Variants in TTBK2 observed in about 807,000 individuals in gnomAD.
TTBK2 encodes tau tubulin kinase 2, also known as tau-tubulin kinase 2.
A neutral mutation model predicts 110.8 loss-of-function variants in TTBK2; 28 were observed. The observed-to-expected ratio is 0.25, with a 90% CI of 0.19 to 0.35. TTBK2 has a LOEUF of 0.35. TTBK2 is among the 10% of genes least tolerant of loss of function. The pLI is 1.00. For synonymous variants in TTBK2, 532 were observed against 527.3 expected, an observed-to-expected ratio of 1.01 and a Z score of -0.12; for missense variants, 1,369 against 1,500.3, an observed-to-expected ratio of 0.91 and a Z score of 1.45.
chr15:42,760,634 A>T (rs1489482561), intron 13 of TTBK2, among the ~76,000 whole-genome samples: 2 of 152,196 alleles, frequency 1.3e-5, no homozygotes, highest in Non-Finnish European at 2.9e-5. Context: ...GAAGTGAAAG[A>T]TCTCTACAAG....
chr15:42,842,968 T>A (rs539256867), intron 3 of TTBK2, among the ~76,000 whole-genome samples: 2 of 152,296 alleles, frequency 1.3e-5, no homozygotes, highest in East Asian at 3.9e-4. Context: ...TGATGGTCAT[T>A]AGCAACTTAC....
chr15:42,769,785 T>C (rs372390121), intron 13 of TTBK2, among the ~76,000 whole-genome samples: 1 of 152,198 alleles, frequency 6.6e-6, no homozygotes, highest in Non-Finnish European at 1.5e-5. Flanking sequence ...TTATAAATCA[T>C]GCTACTATAA....
chr15:42,867,135 T>G (rs539366155), intron 3 of TTBK2, among the ~76,000 whole-genome samples: 1 of 150,658 alleles, frequency 6.6e-6, no homozygotes, highest in African/African-American at 2.4e-5. Context: ...TCCCAGCTAC[T>G]AGGGAGGCTG....
intron 11 of TTBK2, among the ~76,000 whole-genome samples, chr15:42,782,935 A>G (rs1890240792): frequency 6.6e-6 from 1 of 152,162 alleles, no homozygotes; most frequent in Non-Finnish European, 1.5e-5. Flanking sequence ...AGACAGCCAC[A>G]GCTGATACTA....
intron 10 of TTBK2, among the ~76,000 whole-genome samples, chr15:42,790,059 G>T (rs1317775468): frequency 6.6e-6 from 1 of 152,000 alleles, no homozygotes; most frequent in Non-Finnish European, 1.5e-5. Flanking sequence ...TCAATAAATG[G>T]TGCCGGAAAA....
intron 3 of TTBK2, among the ~76,000 whole-genome samples, chr15:42,865,824 A>AAAAAG (rs1311318123): frequency 6.6e-6 from 1 of 152,212 alleles, no homozygotes; most frequent in African/African-American, 2.4e-5. Context: ...CTCCATTTCA[A>AAAAAG]AAAAGAAAAG....
At chr15:42,810,885 C>T in intron 8 of TTBK2, 146 bp from the exon 9 acceptor site, 2 of 899,706 alleles carry the variant, frequency 2.2e-6, no homozygotes, top group Non-Finnish European at 3.5e-6. Flanking sequence ...CTCTTACTAA[C>T]AGCTTAATGT....
chr15:42,798,191 C>CT (rs1340462465), intron 9 of TTBK2: 1 of 455,820 alleles, frequency 2.2e-6, no homozygotes, highest in Non-Finnish European at 4.4e-6. Context: ...GCCTCTCATT[C>CT]TTTTTTATAT....
chr15:42,913,695 C>T (rs1009650257), intron 1 of TTBK2, among the ~76,000 whole-genome samples: 7 of 151,790 alleles, frequency 4.6e-5, no homozygotes, highest in Non-Finnish European at 1.0e-4. Context: ...TTACTGACAA[C>T]AAAAGTGTAA....
chr15:42,835,050 T>C (rs1460246804), intron 4 of TTBK2, among the ~76,000 whole-genome samples: 1 of 152,136 alleles, frequency 6.6e-6, no homozygotes, highest in Non-Finnish European at 1.5e-5. Flanking sequence ...CTATATAAAA[T>C]ATACTTGAGG....
rs1555427656 is a variant in TTBK2, at chr15:42,816,081, AATAAAT to A, written c.603+945_603+950del. ...AAATATATATATATAAAAATAAATAAATAAATATATATATATATATATATATATATA... is the reference window on the plus strand; with the variant it reads ...AAATATATATATATAAAAATAAATAAATATATATATATATATATATATATA... On this transcript the variant is annotated intron_variant, in intron 7 of 14. Coordinates refer to ENST00000267890, the MANE Select transcript of TTBK2 (RefSeq NM_173500.4). Among the ~76,000 whole-genome samples the A allele has an allele frequency of 4.5e-3, 270 of 60,264 alleles. 6 individuals carry two copies. The highest frequency in any genetic ancestry group is 0.022 in the African/African-American group (224 of 10,032). 39.5% of individuals were successfully genotyped at this position (60,264 alleles called of 152,430 possible). A position where few individuals can be genotyped will look rare whatever the true frequency, so the allele number is the denominator to read the frequency against.
intron 9 of TTBK2, among the ~76,000 whole-genome samples, chr15:42,797,031 T>A (rs545598868): frequency 6.6e-6 from 1 of 152,190 alleles, no homozygotes; most frequent in African/African-American, 2.4e-5. Flanking sequence ...TAGAGGGCCG[T>A]AGAAAACACA....
intron 3 of TTBK2, among the ~76,000 whole-genome samples, chr15:42,853,407 C>G (rs1303771544): frequency 6.6e-6 from 1 of 152,130 alleles, no homozygotes; most frequent in Non-Finnish European, 1.5e-5. Context: ...GTTTCATTAT[C>G]AAACAATGAC....
chr15:42,748,244 G>C (rs913687644), intron 14 of TTBK2, among the ~76,000 whole-genome samples: 1 of 152,070 alleles, frequency 6.6e-6, no homozygotes, highest in Non-Finnish European at 1.5e-5. Context: ...ATAGCTTGAG[G>C]TCAGGAGTTC....
chr15:42,810,400 A>C lies in TTBK2; in HGVS notation c.822+214T>G, dbSNP rs184139214. Among the ~76,000 whole-genome samples the C allele has an allele frequency of 6.3e-3, 955 of 152,304 alleles. 16 individuals are homozygous for C. The highest frequency in any genetic ancestry group is 0.022 in the African/African-American group (908 of 41,566). ...CAAGATGAATAAACCTAAAACTCGA[A>C]TGAAGTTAAGTCCATCCAGAGGGAT... On this transcript the variant is annotated intron_variant, in intron 9 of 14. Coordinates refer to ENST00000267890, the MANE Select transcript of TTBK2 (RefSeq NM_173500.4).
At position 42,742,464 on chromosome 15, in the gene TTBK2, C is replaced by T. The variant is rs188584622; in HGVS notation, c.*3331G>A. ...TTGTTCACTATACACTAAAATTAAA[C>T]GCCTCTACGCTGTGCAAGAAATCAC... is the stretch of plus-strand genomic sequence containing the variant. On this transcript the variant is annotated 3_prime_UTR_variant, in exon 15 of 15. Transcript: ENST00000267890. 6.6e-6 allele frequency: 1 copy of T among 152,286 alleles called. No individual in the cohort carries two copies. The highest frequency in any genetic ancestry group is 1.9e-4 in the East Asian group (1 of 5,188). The allele number at this position is 152,286 out of a possible 1,614,324, so 9.4% of individuals were successfully genotyped here. A position where few individuals can be genotyped will look rare whatever the true frequency, so the allele number is the denominator to read the frequency against.
chr15:42,778,305 C>CA (rs1357166044), intron 11 of TTBK2, among the ~76,000 whole-genome samples: 2 of 115,206 alleles, frequency 1.7e-5, no homozygotes, highest in African/African-American at 6.4e-5. Flanking sequence ...AAAAAAAAAA[C>CA]AAAAAAGGTT....
At chr15:42,824,927 A>AAAG (rs1555428689) in intron 6 of TTBK2, among the ~76,000 whole-genome samples, 2 of 151,952 alleles carry the variant, frequency 1.3e-5, no homozygotes, top group African/African-American at 2.4e-5. Flanking sequence ...GGGAAAAAGC[A>AAAG]AATAATAATA....
intron 6 of TTBK2, among the ~76,000 whole-genome samples, chr15:42,820,362 T>C (rs1318602057): frequency 6.6e-6 from 1 of 152,136 alleles, no homozygotes; most frequent in African/African-American, 2.4e-5. Context: ...ATTAGTTCCA[T>C]GTAGTAGGAG....
Sources: gnomAD v4.1 joint callset for allele counts (sites outside exome capture counted in the v4.1 genomes callset) on GRCh38, gnomAD v4.1.1 for gene constraint, MANE v1.5 for transcripts, NCBI Gene and HGNC (gene_info 2026-07-23, HGNC 2026-07-21) for gene names.